ABCC4: variants seen among roughly 807,000 people sequenced by gnomAD.
ABCC4 encodes the protein ATP-binding cassette sub-family C member 4.
Under a neutral mutation model 168.5 loss-of-function variants are expected in ABCC4, and 102 were observed. The ratio of observed to expected loss-of-function variants is 0.61; its 90% CI spans 0.52 to 0.71. The LOEUF (loss-of-function observed/expected upper bound fraction) is 0.71, where lower values mean the gene tolerates loss of function less well. Ranked by LOEUF, ABCC4 falls within the 30% of genes least tolerant of loss-of-function variation. The pLI, the probability that ABCC4 is intolerant of heterozygous loss-of-function variation, is 0.00. For missense variants in ABCC4, 1,402 were observed against 1,605.8 expected (o/e 0.87, Z 2.17); for synonymous variants, 617 against 590.7 (o/e 1.04, Z -0.65).
At chr13:95,095,286 TTATCTATC>T (rs55957658) in intron 20 of ABCC4, among the ~76,000 whole-genome samples, 6,532 of 146,350 alleles carry the variant, frequency 0.045, 239 homozygotes, top group African/African-American at 0.11. Flanking sequence ...AACTGTGAGA[TTATCTATC>T]TATCTATCTA....
At chr13:95,041,474 C>T (rs1224801755) in intron 29 of ABCC4, among the ~76,000 whole-genome samples, 2 of 152,194 alleles carry the variant, frequency 1.3e-5, no homozygotes, top group African/African-American at 4.8e-5. Flanking sequence ...ACCTTAAGCA[C>T]TTGCAATTAC....
intron 3 of ABCC4, among the ~76,000 whole-genome samples, chr13:95,245,674 T>C (rs1020330899): frequency 1.3e-5 from 2 of 152,034 alleles, no homozygotes; most frequent in Admixed American, 6.5e-5. Flanking sequence ...AAAGGTGGCA[T>C]TCACCATCTG....
chr13:95,220,106 T>C (rs2039272766), intron 4 of ABCC4, among the ~76,000 whole-genome samples: 1 of 151,952 alleles, frequency 6.6e-6, no homozygotes, highest in African/African-American at 2.4e-5. Context: ...CCTCAAGTGA[T>C]CCACCTGCCT....
chr13:95,300,805 G>A (rs1007838123), intron 1 of ABCC4, among the ~76,000 whole-genome samples: 1 of 152,232 alleles, frequency 6.6e-6, no homozygotes, highest in African/African-American at 2.4e-5. Context: ...GAAAAGGTGC[G>A]TTTGAGTTCA....
intron 3 of ABCC4, among the ~76,000 whole-genome samples, chr13:95,246,437 C>G (rs1016250915): frequency 6.6e-6 from 1 of 152,230 alleles, no homozygotes; most frequent in Non-Finnish European, 1.5e-5. Flanking sequence ...AGGTGCAAGG[C>G]CCTCAGCTCT....
chr13:95,263,560 C>T (rs540471900), intron 1 of ABCC4, among the ~76,000 whole-genome samples: 13 of 152,302 alleles, frequency 8.5e-5, no homozygotes, highest in Admixed American at 3.3e-4. Context: ...CAGTGGCTCA[C>T]GCCTGTAATC....
chr13:95,141,160 CA>C (rs1243478880), intron 19 of ABCC4, among the ~76,000 whole-genome samples: 1 of 152,156 alleles, frequency 6.6e-6, no homozygotes, highest in African/African-American at 2.4e-5. Context: ...TCTGAAATTG[CA>C]AATATTTTCA....
chr13:95,032,670 CTTTTTTT>C (rs10529298), intron 30 of ABCC4, among the ~76,000 whole-genome samples: 56,148 of 148,502 alleles, frequency 0.38, 12,079 homozygotes, highest in African/African-American at 0.6. Flanking sequence ...TTTCTTTTTT[CTTTTTTT>C]TTTTTGAGAC....
intron 30 of ABCC4, among the ~76,000 whole-genome samples, chr13:95,033,103 G>C (rs1357318521): frequency 6.6e-6 from 1 of 151,454 alleles, no homozygotes; most frequent in Non-Finnish European, 1.5e-5. Flanking sequence ...CCGAGTAGCT[G>C]GGATTACAGG....
intron 13 of ABCC4, 102 bp downstream of exon 13, chr13:95,177,605 G>A (rs913871216): frequency 7.4e-5 from 63 of 848,910 alleles, no homozygotes; most frequent in Admixed American, 5.9e-4. Context: ...GGAGGGGAGC[G>A]GACACCAGAG....
chr13:95,153,993 AC>A (rs1390974326), intron 19 of ABCC4, among the ~76,000 whole-genome samples: 1 of 151,942 alleles, frequency 6.6e-6, no homozygotes, highest in Non-Finnish European at 1.5e-5. Flanking sequence ...TGTGAAAAAA[AC>A]ATTATTTTTA....
At position 95,157,024 on chromosome 13, in the gene ABCC4, G is replaced by A. The variant is rs146569846; in HGVS notation, c.2455+4165C>T. Among the ~76,000 whole-genome samples the A allele has an allele frequency of 4.4e-3, 669 of 151,686 alleles. 1 individual carries two copies. The highest frequency in any genetic ancestry group is 0.015 in the African/African-American group (611 of 41,296). ...GGAGAATCACTTGAACCTGGGAGCC[G>A]GAGGTTGCTGTGAGCTGAGATCACG... is the stretch of plus-strand genomic sequence containing the variant. On this transcript the variant is annotated intron_variant, in intron 19 of 30. Coordinates refer to ENST00000645237, the MANE Select transcript of ABCC4 (RefSeq NM_005845.5).
intron 3 of ABCC4, among the ~76,000 whole-genome samples, chr13:95,237,879 G>A (rs2039818461): frequency 6.6e-6 from 1 of 152,042 alleles, no homozygotes; most frequent in African/African-American, 2.4e-5. Flanking sequence ...GTGGAAAAAT[G>A]AGTAAGCAGT....
chr13:95,187,158 T>C (rs909603138), intron 10 of ABCC4, among the ~76,000 whole-genome samples: 5 of 152,158 alleles, frequency 3.3e-5, no homozygotes, highest in Non-Finnish European at 1.5e-5. Flanking sequence ...CTAAATGAAA[T>C]GGTACACGGA....
At chr13:95,278,976 G>GA (rs4148425) in intron 1 of ABCC4, among the ~76,000 whole-genome samples, 2 of 148,296 alleles carry the variant, frequency 1.3e-5, no homozygotes, top group Non-Finnish European at 3.0e-5. Context: ...TTCCTTCCAG[G>GA]AAAAAAAAAG....
chr13:95,073,005 C>G lies in ABCC4; in HGVS notation c.3018+199G>C, dbSNP rs2033784965. Among the ~76,000 whole-genome samples, 5 of 152,024 alleles carry G rather than the reference C, an allele frequency of 3.3e-5. No homozygotes were observed. The South Asian group carries it at 1.0e-3, about 32-fold the overall frequency. On this transcript the variant is annotated intron_variant, in intron 24 of 30. Transcript: ENST00000645237. ...TTGTGATGAATATAAAACCTGCTGA[C>G]AGAGCAACCATAAGACTCAGAAAAA...
intron 4 of ABCC4, among the ~76,000 whole-genome samples, chr13:95,234,170 C>T (rs1256601406): frequency 1.3e-5 from 2 of 152,156 alleles, no homozygotes; most frequent in African/African-American, 4.8e-5. Context: ...CTGAATACAA[C>T]TGTGATGTAA....
At chr13:95,219,957 G>C (rs1440384707) in intron 4 of ABCC4, among the ~76,000 whole-genome samples, 1 of 149,550 alleles carries the variant, frequency 6.7e-6, no homozygotes, top group Non-Finnish European at 1.5e-5. Flanking sequence ...CCAGATTCAA[G>C]AGATTCACCT....
chr13:95,285,883 G>T (rs761947138), intron 1 of ABCC4, among the ~76,000 whole-genome samples: 4 of 152,154 alleles, frequency 2.6e-5, no homozygotes, highest in Non-Finnish European at 1.5e-5. Flanking sequence ...GATAAAGCCT[G>T]CAGTGTATTG....
Sources: allele counts gnomAD v4.1 joint callset (sites outside exome capture counted in the v4.1 genomes callset), GRCh38; gene constraint gnomAD v4.1.1; transcripts MANE v1.5; gene names NCBI Gene and HGNC (gene_info 2026-07-23, HGNC 2026-07-21).